The following TRIM5 variants were observed in gnomAD, a reference collection of about 807,000 sequenced individuals.
TRIM5 encodes tripartite motif-containing protein 5.
TRIM5 carries 31 observed loss-of-function variants against 35.6 expected under a neutral mutation model. That is an observed-to-expected ratio of 0.87 (90% CI 0.65 to 1.18). The LOEUF (loss-of-function observed/expected upper bound fraction) is 1.18, where lower values mean the gene tolerates loss of function less well. Ranked by LOEUF, TRIM5 falls within the 50% of genes most tolerant of loss-of-function variation. TRIM5 has a pLI of 0.00. For synonymous variants in TRIM5, 243 were observed against 215.6 expected (o/e 1.13, Z -1.11); for missense variants, 609 against 591.6 (o/e 1.03, Z -0.31).
chr11:5,665,013 A>C lies in TRIM5; in HGVS notation c.1278T>G (p.Ile426Met), dbSNP rs745541073. The change falls in exon 8 of 8, where the codon ATT (isoleucine) becomes ATG (methionine). Residue 426 changes from isoleucine (I) to methionine (M), a missense_variant. Coordinates refer to ENST00000380034, the MANE Select transcript of TRIM5 (RefSeq NM_033034.3). The part of the protein sequence containing the change: ...SSFHTPSVPF[I>M]VPLSVIICPD... ...GACAAATAATCACAGAGAGGGGCACAATGAAAGGAACAGAAGGAGTATGGA... is the reference window on the plus strand; with the variant it reads ...GACAAATAATCACAGAGAGGGGCACCATGAAAGGAACAGAAGGAGTATGGA... The C allele has an allele frequency of 1.9e-6, 3 of 1,614,208 alleles. No individual in the cohort carries two copies. Among genetic ancestry groups the C allele is most frequent in the Non-Finnish European group, 2.5e-6 (3 of 1,180,050 alleles).
chr11:5,619,412 C>G, the TRIM5 span, among the ~76,000 whole-genome samples: 1 of 152,068 alleles, frequency 6.6e-6, no homozygotes. Flanking sequence ...GAGAGTAGGC[C>G]TTTGTTATGG....
At chr11:5,610,366 G>A in the TRIM5 span, 1 of 1,564,824 alleles carries the variant, frequency 6.4e-7, no homozygotes, top group Non-Finnish European at 8.7e-7. Flanking sequence ...CCAGAGGGAG[G>A]GACATAGTGT....
At chr11:5,619,771 C>T in the TRIM5 span, 1 of 127,552 alleles carries the variant, frequency 7.8e-6, no homozygotes, top group Non-Finnish European at 1.6e-5. Context: ...GGTGTGATCT[C>T]GGCTCACTGC....
chr11:5,632,360 A>T, the TRIM5 span: 1 of 1,613,986 alleles, frequency 6.2e-7, no homozygotes, highest in Non-Finnish European at 8.5e-7. Flanking sequence ...CTTAACGTAC[A>T]AGAGGAGGTG....
chr11:5,628,024 C>T, the TRIM5 span, among the ~76,000 whole-genome samples: 83 of 152,334 alleles, frequency 5.4e-4, no homozygotes, highest in Middle Eastern at 6.8e-3. Flanking sequence ...TTCTGTCAGG[C>T]CAATGGCACT....
the TRIM5 span, chr11:5,597,010 AT>A: frequency 6.3e-7 from 1 of 1,582,938 alleles, no homozygotes; most frequent in Non-Finnish European, 8.6e-7. Flanking sequence ...TTCGGAACTC[AT>A]TATATCTTTA....
the TRIM5 span, among the ~76,000 whole-genome samples, chr11:5,634,394 A>G: frequency 6.6e-6 from 1 of 151,710 alleles, no homozygotes; most frequent in Non-Finnish European, 1.5e-5. Flanking sequence ...CTTCCCTCCA[A>G]GTACCTCTAT....
the TRIM5 span, among the ~76,000 whole-genome samples, chr11:5,651,367 G>C: frequency 1.4e-4 from 22 of 152,156 alleles, no homozygotes; most frequent in Non-Finnish European, 2.9e-4. Context: ...ATAGTACCCA[G>C]TAGGTAGTTT....
the TRIM5 span, chr11:5,610,818 G>A: frequency 6.2e-7 from 1 of 1,614,106 alleles, no homozygotes; most frequent in East Asian, 2.2e-5. Flanking sequence ...TTTAAATCTT[G>A]TCCTGGCTAA....
the TRIM5 span, chr11:5,632,495 G>T: frequency 3.7e-6 from 6 of 1,613,940 alleles, no homozygotes; most frequent in Admixed American, 1.7e-5. Flanking sequence ...GGAAAAAGCA[G>T]CTGTCCTGTG....
At chr11:5,661,021 G>A (rs1324319923), downstream of TRIM5, among the ~76,000 whole-genome samples, 18 of 104,306 alleles carry the variant, frequency 1.7e-4, no homozygotes, top group African/African-American at 5.3e-4. Context: ...CAGCCTGGGC[G>A]ACAGAGAGAG....
chr11:5,633,662 A>C, the TRIM5 span: 1 of 729,754 alleles, frequency 1.4e-6, no homozygotes, highest in South Asian at 2.1e-5. Context: ...AATTTTCCCC[A>C]TGTCATAGAT....
the TRIM5 span, chr11:5,643,289 T>C: frequency 1.2e-6 from 2 of 1,614,106 alleles, no homozygotes; most frequent in Non-Finnish European, 8.5e-7. Flanking sequence ...CTGGGAAACA[T>C]TACTGGGAAG....
chr11:5,669,486 G>A (rs540681596), intron 4 of TRIM5, among the ~76,000 whole-genome samples: 6 of 152,070 alleles, frequency 3.9e-5, no homozygotes, highest in African/African-American at 1.4e-4. Flanking sequence ...TCTCCTTTAT[G>A]CCAGACACAA....
intron 2 of TRIM5, among the ~76,000 whole-genome samples, chr11:5,679,484 A>C (rs1033369979): frequency 6.6e-6 from 1 of 152,132 alleles, no homozygotes; most frequent in Non-Finnish European, 1.5e-5. Context: ...TGAAAGGGGT[A>C]ATCAGAGCTT....
At chr11:5,611,398 G>A in the TRIM5 span, 3 of 1,325,090 alleles carry the variant, frequency 2.3e-6, no homozygotes, top group Middle Eastern at 1.9e-4. Flanking sequence ...ATCAGCATGT[G>A]ATTCTCCCTT....
chr11:5,593,937 T>C, the TRIM5 span, among the ~76,000 whole-genome samples: 1 of 152,212 alleles, frequency 6.6e-6, no homozygotes, highest in Non-Finnish European at 1.5e-5. Flanking sequence ...ACACTAACAG[T>C]ATTCCACTGT....
chr11:5,639,652 C>A, the TRIM5 span, among the ~76,000 whole-genome samples: 1 of 119,784 alleles, frequency 8.3e-6, no homozygotes, highest in Non-Finnish European at 1.6e-5. Flanking sequence ...TGCACTCCAG[C>A]CTGGGTGACA....
chr11:5,672,978 C>T (rs371847178), intron 4 of TRIM5, among the ~76,000 whole-genome samples: 20 of 152,090 alleles, frequency 1.3e-4, no homozygotes, highest in African/African-American at 4.6e-4. Flanking sequence ...ATTTATTTAA[C>T]ACAAAGGAAG....
Sources: allele counts gnomAD v4.1 joint callset (sites outside exome capture counted in the v4.1 genomes callset), GRCh38; gene constraint gnomAD v4.1.1; transcripts MANE v1.5; gene names NCBI Gene and HGNC (gene_info 2026-07-23, HGNC 2026-07-21).